ROBO1: variants seen among roughly 807,000 people sequenced by gnomAD.
ROBO1 encodes roundabout guidance receptor 1.
In ROBO1, 149 loss-of-function variants were observed where a neutral mutation model predicts 195.9. The ratio of observed to expected loss-of-function variants is 0.76; its 90% CI spans 0.67 to 0.87. ROBO1 has a LOEUF of 0.87. ROBO1 is among the 40% of genes least tolerant of loss of function. The probability of loss-of-function intolerance (pLI) is 0.00; values close to 1 mark genes in which losing one functional copy is unlikely to be tolerated. For synonymous variants in ROBO1, 816 were observed against 733.2 expected (o/e 1.11, Z -1.82); for missense variants, 1,933 against 2,068.3 (o/e 0.93, Z 1.27).
rs1300092119 is a variant in ROBO1 at position 79,255,281 on chromosome 3, A to G, written c.89-129742T>C. On this transcript the variant is annotated intron_variant, in intron 2 of 30. Coordinates refer to ENST00000464233, the MANE Select transcript of ROBO1 (RefSeq NM_002941.4). ...TGAGGCTGGAGGATGGCTTGAGCCCAGGAGTTTGAACTGAAATGAGCTCTT... is the reference window on the plus strand; with the variant it reads ...TGAGGCTGGAGGATGGCTTGAGCCCGGGAGTTTGAACTGAAATGAGCTCTT... Among the ~76,000 whole-genome samples the G allele has an allele frequency of 2.6e-5, 4 of 152,090 alleles. No individual in the cohort carries two copies. The East Asian group carries it at 7.7e-4, about 29-fold the overall frequency.
chr3:79,385,543 A>C (rs1346063507), intron 2 of ROBO1, among the ~76,000 whole-genome samples: 1 of 152,140 alleles, frequency 6.6e-6, no homozygotes, highest in African/African-American at 2.4e-5. Context: ...CTAATCCTAA[A>C]GGCGACATAA....
chr3:79,129,182 T>G (rs2080275562), intron 2 of ROBO1, among the ~76,000 whole-genome samples: 1 of 152,190 alleles, frequency 6.6e-6, no homozygotes, highest in South Asian at 2.1e-4. Context: ...ACTTCTTTCC[T>G]ATAGTCCCTA....
chr3:78,970,092 G>C (rs1261396793), intron 3 of ROBO1, among the ~76,000 whole-genome samples: 4 of 152,028 alleles, frequency 2.6e-5, no homozygotes. Flanking sequence ...GGACAGAGGA[G>C]CCAAAGACTC....
chr3:79,249,120 A>G (rs1437328563), intron 2 of ROBO1, among the ~76,000 whole-genome samples: 1 of 152,154 alleles, frequency 6.6e-6, no homozygotes, highest in Non-Finnish European at 1.5e-5. Context: ...TTAAAAGTGT[A>G]CCTAATTTAA....
At chr3:79,576,951 C>T (rs1413631452) in intron 2 of ROBO1, among the ~76,000 whole-genome samples, 1 of 152,102 alleles carries the variant, frequency 6.6e-6, no homozygotes, top group African/African-American at 2.4e-5. Flanking sequence ...ATAACAATAA[C>T]ACTTCTGAAT....
chr3:79,734,084 A>G (rs1421306688), intron 1 of ROBO1, among the ~76,000 whole-genome samples: 2 of 151,654 alleles, frequency 1.3e-5, no homozygotes, highest in Non-Finnish European at 2.9e-5. Context: ...AGTAGCTGGG[A>G]TTACAGGTGT....
At chr3:79,389,735 G>A (rs1406258006) in intron 2 of ROBO1, among the ~76,000 whole-genome samples, 1 of 152,016 alleles carries the variant, frequency 6.6e-6, no homozygotes, top group Non-Finnish European at 1.5e-5. Context: ...GAACAAACTT[G>A]TCACATGTGA....
intron 1 of ROBO1, among the ~76,000 whole-genome samples, chr3:79,646,134 T>C (rs538253568): frequency 6.6e-6 from 1 of 151,770 alleles, no homozygotes; most frequent in African/African-American, 2.4e-5. Context: ...ATCAATAAAG[T>C]AAAGAGGCAA....
chr3:79,701,982 A>T (rs1947634925), intron 1 of ROBO1, among the ~76,000 whole-genome samples: 1 of 151,744 alleles, frequency 6.6e-6, no homozygotes, highest in South Asian at 2.1e-4. Flanking sequence ...TATATATCTA[A>T]ACTTCGTCCT....
At chr3:79,577,576 C>T (rs1158123859) in intron 2 of ROBO1, among the ~76,000 whole-genome samples, 1 of 151,940 alleles carries the variant, frequency 6.6e-6, no homozygotes, top group Non-Finnish European at 1.5e-5. Flanking sequence ...GATTTGAATG[C>T]CAAATTTACA....
At chr3:79,487,365 GCTTT>G (rs1939217438) in intron 2 of ROBO1, among the ~76,000 whole-genome samples, 1 of 151,808 alleles carries the variant, frequency 6.6e-6, no homozygotes, top group African/African-American at 2.4e-5. Flanking sequence ...GTTTGCAATG[GCTTT>G]CTGTGTGTGT....
intron 4 of ROBO1, among the ~76,000 whole-genome samples, chr3:78,904,498 C>T (rs1022829104): frequency 3.3e-5 from 5 of 151,992 alleles, no homozygotes; most frequent in Non-Finnish European, 4.4e-5. Context: ...AATTCCCAAA[C>T]GTCAATATGT....
intron 2 of ROBO1, among the ~76,000 whole-genome samples, chr3:79,418,266 T>C (rs2038087537): frequency 6.6e-6 from 1 of 152,174 alleles, no homozygotes; most frequent in African/African-American, 2.4e-5. Context: ...CTTCCATTGA[T>C]TGTTATTTTG....
intron 2 of ROBO1, among the ~76,000 whole-genome samples, chr3:79,518,568 G>C (rs1460714548): frequency 2.0e-5 from 3 of 152,118 alleles, no homozygotes; most frequent in Non-Finnish European, 2.9e-5. Flanking sequence ...TAGGAGGATT[G>C]CTTTTCAGAA....
chr3:79,563,623 T>G (rs529332579), intron 2 of ROBO1, among the ~76,000 whole-genome samples: 1 of 152,210 alleles, frequency 6.6e-6, no homozygotes, highest in East Asian at 1.9e-4. Flanking sequence ...GTTTGTAGTT[T>G]AGAGCTTGAT....
At position 79,448,459 on chromosome 3, in the gene ROBO1, T is replaced by C. The variant is rs958475627; in HGVS notation, c.88+141365A>G. On this transcript the variant is annotated intron_variant, in intron 2 of 30. Transcript: ENST00000464233. ...CTTTGTAAGGGTCCTCCATAAAACC[T>C]AATATTTTTATAGCATTAGTACTTA... 3.9e-5 allele frequency among the ~76,000 whole-genome samples: 6 copies of C among 152,332 alleles called. No individual in the cohort carries two copies. The East Asian group carries it at 1.2e-3, about 29-fold the overall frequency.
chr3:79,098,885 T>G (rs1305124822), intron 3 of ROBO1, among the ~76,000 whole-genome samples: 1 of 151,762 alleles, frequency 6.6e-6, no homozygotes, highest in Non-Finnish European at 1.5e-5. Flanking sequence ...AAAGGTCTGG[T>G]CTTACAATTT....
At chr3:78,926,216 C>T (rs1292146881) in intron 4 of ROBO1, among the ~76,000 whole-genome samples, 1 of 152,024 alleles carries the variant, frequency 6.6e-6, no homozygotes, top group Non-Finnish European at 1.5e-5. Context: ...AATTCTAGGC[C>T]ACAATGCTGG....
chr3:78,652,438 T>C (rs1484447413), intron 18 of ROBO1, among the ~76,000 whole-genome samples: 1 of 152,124 alleles, frequency 6.6e-6, no homozygotes, highest in Non-Finnish European at 1.5e-5. Flanking sequence ...TTCTCTAAGC[T>C]AGATATGGAA....
Sources: gnomAD v4.1 joint callset for allele counts (sites outside exome capture counted in the v4.1 genomes callset) on GRCh38, gnomAD v4.1.1 for gene constraint, MANE v1.5 for transcripts, NCBI Gene and HGNC (gene_info 2026-07-23, HGNC 2026-07-21) for gene names.